Variants in NCAM2 observed in about 807,000 individuals in gnomAD.
NCAM2 encodes the protein neural cell adhesion molecule 2, also known as N-CAM-2.
A neutral mutation model predicts 98.1 loss-of-function variants in NCAM2; 30 were observed. The ratio of observed to expected loss-of-function variants is 0.31; its 90% CI spans 0.23 to 0.41. The LOEUF is 0.41. Among genes scored for constraint, NCAM2 ranks in the 10% least tolerant of loss-of-function variants. The pLI is 1.00. For synonymous variants in NCAM2, 368 were observed against 342.4 expected, an observed-to-expected ratio of 1.07 and a Z score of -0.83; for missense variants, 867 against 1,005.8, an observed-to-expected ratio of 0.86 and a Z score of 1.87.
intron 1 of NCAM2, among the ~76,000 whole-genome samples, chr21:21,027,191 A>G (rs2146207694): frequency 1.3e-5 from 2 of 152,234 alleles, no homozygotes; most frequent in Middle Eastern, 3.4e-3. Flanking sequence ...TAATTTTTTA[A>G]TTGACTACAT....
At chr21:21,309,228 G>A (rs1476116203) in intron 5 of NCAM2, among the ~76,000 whole-genome samples, 1 of 151,864 alleles carries the variant, frequency 6.6e-6, no homozygotes, top group East Asian at 1.9e-4. Flanking sequence ...AATAATTTTA[G>A]CATGGATGCT....
intron 12 of NCAM2, among the ~76,000 whole-genome samples, chr21:21,464,403 T>C (rs1350502148): frequency 6.6e-6 from 1 of 152,134 alleles, no homozygotes; most frequent in Admixed American, 6.6e-5. Flanking sequence ...TGAGCCTAGC[T>C]CACCTTTGCT....
chr21:21,121,879 C>T (rs2066683071), intron 1 of NCAM2, among the ~76,000 whole-genome samples: 1 of 152,190 alleles, frequency 6.6e-6, no homozygotes, highest in South Asian at 2.1e-4. Context: ...GGCTCTAGAT[C>T]TACATTTCTT....
intron 15 of NCAM2, among the ~76,000 whole-genome samples, chr21:21,496,767 T>C (rs986038127): frequency 6.6e-6 from 1 of 152,126 alleles, no homozygotes; most frequent in African/African-American, 2.4e-5. Context: ...AAGTTTTTAA[T>C]CCATCCCGAG....
intron 9 of NCAM2, among the ~76,000 whole-genome samples, chr21:21,386,986 C>A (rs543498232): frequency 5.9e-5 from 9 of 152,138 alleles, no homozygotes; most frequent in Admixed American, 2.0e-4. Context: ...AATCCCAGTT[C>A]TCACTGGGAC....
intron 1 of NCAM2, among the ~76,000 whole-genome samples, chr21:21,015,160 T>C (rs1279610894): frequency 1.3e-5 from 2 of 152,230 alleles, no homozygotes; most frequent in Admixed American, 6.5e-5. Flanking sequence ...TATTGAAATA[T>C]AAACATTATT....
chr21:21,176,120 C>G (rs192222016), intron 1 of NCAM2, among the ~76,000 whole-genome samples: 4 of 152,226 alleles, frequency 2.6e-5, no homozygotes, highest in Admixed American at 2.6e-4. Context: ...AGCTGAGATA[C>G]CACTGTGACA....
intron 5 of NCAM2, among the ~76,000 whole-genome samples, chr21:21,295,597 T>G (rs1290272372): frequency 1.3e-5 from 2 of 151,792 alleles, no homozygotes; most frequent in East Asian, 3.9e-4. Flanking sequence ...ACATATTTTC[T>G]CTTTTTCTCT....
intron 1 of NCAM2, among the ~76,000 whole-genome samples, chr21:21,083,430 T>TA (rs1308562204): frequency 1.3e-5 from 2 of 150,658 alleles, no homozygotes; most frequent in African/African-American, 4.9e-5. Flanking sequence ...CATCTTTTTT[T>TA]TTTTTTTGAG....
At chr21:21,032,631 A>G (rs542392509) in intron 1 of NCAM2, among the ~76,000 whole-genome samples, 2 of 152,338 alleles carry the variant, frequency 1.3e-5, no homozygotes, top group Non-Finnish European at 2.9e-5. Flanking sequence ...TTAGTTATAA[A>G]ATATAGATTA....
chr21:21,455,788 A>G (rs980293146), intron 12 of NCAM2, among the ~76,000 whole-genome samples: 18 of 152,052 alleles, frequency 1.2e-4, no homozygotes, highest in African/African-American at 4.1e-4. Context: ...AACAAAGGAC[A>G]GAAAGAAACA....
chr21:21,169,742 A>G (rs1363644146), intron 1 of NCAM2, among the ~76,000 whole-genome samples: 2 of 152,216 alleles, frequency 1.3e-5, no homozygotes, highest in African/African-American at 2.4e-5. Flanking sequence ...GGAGCCCAAA[A>G]GTTTGAAACC....
At chr21:21,012,104 G>T (rs2146142784) in intron 1 of NCAM2, among the ~76,000 whole-genome samples, 1 of 152,202 alleles carries the variant, frequency 6.6e-6, no homozygotes, top group Admixed American at 6.5e-5. Context: ...CCATATCATT[G>T]GTTCATTGCT....
intron 9 of NCAM2, among the ~76,000 whole-genome samples, chr21:21,409,562 G>A (rs2076814618): frequency 6.6e-6 from 1 of 152,064 alleles, no homozygotes; most frequent in African/African-American, 2.4e-5. Flanking sequence ...TAAAAAGTGA[G>A]GAAAGAACCA....
At chr21:21,349,658 A>C (rs2075282449) in intron 8 of NCAM2, among the ~76,000 whole-genome samples, 1 of 152,192 alleles carries the variant, frequency 6.6e-6, no homozygotes, top group African/African-American at 2.4e-5. Flanking sequence ...TGTTACAATA[A>C]CTAAGATTTG....
chr21:21,508,161 C>T (rs1007317098), intron 15 of NCAM2, among the ~76,000 whole-genome samples: 2 of 152,120 alleles, frequency 1.3e-5, no homozygotes, highest in Non-Finnish European at 2.9e-5. Context: ...TCCACCTTCT[C>T]CTACCTTCTC....
chr21:21,078,300 T>C (rs890152835), intron 1 of NCAM2, among the ~76,000 whole-genome samples: 1 of 152,214 alleles, frequency 6.6e-6, no homozygotes, highest in Admixed American at 6.5e-5. Context: ...GATAAATTAG[T>C]TCATTTTATT....
intron 9 of NCAM2, among the ~76,000 whole-genome samples, chr21:21,395,813 T>C (rs1341056520): frequency 6.6e-6 from 1 of 151,980 alleles, no homozygotes; most frequent in Non-Finnish European, 1.5e-5. Flanking sequence ...AAGCCACAAG[T>C]AGAAGAATGA....
chr21:21,112,576 AC>A (rs2066476156), intron 1 of NCAM2, among the ~76,000 whole-genome samples: 1 of 152,166 alleles, frequency 6.6e-6, no homozygotes, highest in Non-Finnish European at 1.5e-5. Flanking sequence ...GGCTGCAGCC[AC>A]TACTCTGGAA....
Sources: allele counts gnomAD v4.1 joint callset (sites outside exome capture counted in the v4.1 genomes callset), GRCh38; gene constraint gnomAD v4.1.1; transcripts MANE v1.5; gene names NCBI Gene and HGNC (gene_info 2026-07-23, HGNC 2026-07-21).